Variants in PCDH15 observed in about 807,000 individuals in gnomAD.
PCDH15 encodes the protein protocadherin-15.
In PCDH15, 129 loss-of-function variants were observed where a neutral mutation model predicts 178.5. The observed-to-expected ratio is 0.72, with a 90% CI of 0.63 to 0.84. The LOEUF is 0.84. Among genes scored for constraint, PCDH15 ranks in the 40% least tolerant of loss-of-function variants. The pLI is 0.00. For synonymous variants in PCDH15, 800 were observed against 732.0 expected (o/e 1.09, Z -1.50); for missense variants, 2,230 against 2,099.9 (o/e 1.06, Z -1.21).
intron 2 of PCDH15, among the ~76,000 whole-genome samples, chr10:55,337,437 C>T (rs1459605815): frequency 6.6e-6 from 1 of 152,094 alleles, no homozygotes; most frequent in African/African-American, 2.4e-5. Flanking sequence ...CTTCCAAAGC[C>T]CCATAGATTA....
chr10:54,884,257 T>C (rs1954312627), intron 3 of PCDH15, among the ~76,000 whole-genome samples: 1 of 152,016 alleles, frequency 6.6e-6, no homozygotes, highest in Non-Finnish European at 1.5e-5. Flanking sequence ...ATATAGGAGA[T>C]AAATTTAGTG....
intron 3 of PCDH15, among the ~76,000 whole-genome samples, chr10:54,890,852 C>A (rs1954448308): frequency 6.6e-6 from 1 of 151,910 alleles, no homozygotes; most frequent in Non-Finnish European, 1.5e-5. Flanking sequence ...CTCATCTAGA[C>A]CTAAAGTTGT....
At chr10:54,779,705 T>C (rs1462232918) in intron 1 of PCDH15, among the ~76,000 whole-genome samples, 1 of 151,394 alleles carries the variant, frequency 6.6e-6, no homozygotes, top group East Asian at 2.0e-4. Flanking sequence ...TTCCCAATAA[T>C]TTGAACTGTG....
intron 15 of PCDH15, among the ~76,000 whole-genome samples, chr10:54,125,247 C>CTGT (rs1390972191): frequency 5.3e-5 from 8 of 151,888 alleles, no homozygotes; most frequent in Non-Finnish European, 1.0e-4. Flanking sequence ...TGTCTCTGAG[C>CTGT]TGTTATACCT....
chr10:54,930,028 T>C (rs546952502), intron 2 of PCDH15, among the ~76,000 whole-genome samples: 2 of 152,208 alleles, frequency 1.3e-5, no homozygotes, highest in African/African-American at 4.8e-5. Context: ...GCTGCAGACA[T>C]AGATAAGCAA....
intron 6 of PCDH15, among the ~76,000 whole-genome samples, chr10:54,336,597 C>T (rs1018614393): frequency 7.2e-5 from 11 of 152,158 alleles, no homozygotes; most frequent in African/African-American, 2.4e-4. Context: ...CCTATGGGTC[C>T]GCAGAAGTCA....
intron 2 of PCDH15, among the ~76,000 whole-genome samples, chr10:55,529,281 T>C (rs1330831014): frequency 6.6e-6 from 1 of 151,812 alleles, no homozygotes; most frequent in Non-Finnish European, 1.5e-5. Context: ...CTTCTGGTGT[T>C]TTAGACATGA....
chr10:55,234,939 C>A (rs897058919), intron 1 of PCDH15, among the ~76,000 whole-genome samples: 13 of 151,562 alleles, frequency 8.6e-5, no homozygotes, highest in African/African-American at 3.2e-4. Context: ...AATGGTAATG[C>A]AGTAAGATTC....
At chr10:53,842,339 C>G (rs1026731703) in intron 28 of PCDH15, among the ~76,000 whole-genome samples, 3 of 152,134 alleles carry the variant, frequency 2.0e-5, no homozygotes, top group African/African-American at 7.2e-5. Context: ...TCACTGCAAC[C>G]TCCACCTCCC....
intron 1 of PCDH15, among the ~76,000 whole-genome samples, chr10:54,788,431 C>A (rs1951091904): frequency 6.6e-6 from 1 of 151,576 alleles, no homozygotes; most frequent in Admixed American, 6.6e-5. Context: ...TTGGAGATGT[C>A]AGAGATACAA....
chr10:54,005,631 T>C (rs565023619), intron 20 of PCDH15, among the ~76,000 whole-genome samples: 10 of 152,104 alleles, frequency 6.6e-5, no homozygotes, highest in Non-Finnish European at 1.3e-4. Context: ...CCAGGTAGAA[T>C]GGCTTTTATC....
chr10:54,379,815 T>C (rs990644469), intron 3 of PCDH15, among the ~76,000 whole-genome samples: 7 of 151,994 alleles, frequency 4.6e-5, no homozygotes, highest in African/African-American at 1.4e-4. Flanking sequence ...ATTAAACTTA[T>C]AGATATAGAA....
intron 1 of PCDH15, among the ~76,000 whole-genome samples, chr10:55,252,995 A>T (rs1841880770): frequency 6.6e-6 from 1 of 152,188 alleles, no homozygotes; most frequent in Non-Finnish European, 1.5e-5. Flanking sequence ...TAGTTAGCAT[A>T]GAAGGTCTGG....
chr10:54,415,365 T>G (rs1954169773), intron 3 of PCDH15, among the ~76,000 whole-genome samples: 1 of 151,790 alleles, frequency 6.6e-6, no homozygotes, highest in Non-Finnish European at 1.5e-5. Flanking sequence ...TTGAAGAAAT[T>G]TTTAAAAATA....
intron 1 of PCDH15, among the ~76,000 whole-genome samples, chr10:54,778,880 G>GA (rs1342270118): frequency 1.3e-5 from 2 of 151,914 alleles, no homozygotes; most frequent in African/African-American, 4.8e-5. Flanking sequence ...AGGCATCAAA[G>GA]AAAAAAATAC....
chr10:55,490,432 A>C (rs1840386544), intron 2 of PCDH15, among the ~76,000 whole-genome samples: 1 of 151,800 alleles, frequency 6.6e-6, no homozygotes, highest in Non-Finnish European at 1.5e-5. Flanking sequence ...AAAATTCACC[A>C]TGAATGTATA....
At chr10:55,378,908 T>TCTCTCTCTCACACACA (rs61280428) in intron 2 of PCDH15, among the ~76,000 whole-genome samples, 132 of 148,872 alleles carry the variant, frequency 8.9e-4, no homozygotes, top group African/African-American at 3.0e-3. Context: ...TCTCTCTCTC[T>TCTCTCTCTCACACACA]CACATATGCC....
chr10:54,429,890 G>A (rs1956758667), intron 3 of PCDH15, among the ~76,000 whole-genome samples: 1 of 152,004 alleles, frequency 6.6e-6, no homozygotes, highest in Admixed American at 6.6e-5. Flanking sequence ...AACAATAGTT[G>A]GAGACTTCAA....
chr10:54,402,292 G>A (rs1952030404), intron 3 of PCDH15, among the ~76,000 whole-genome samples: 2 of 151,928 alleles, frequency 1.3e-5, no homozygotes, highest in South Asian at 4.1e-4. Context: ...ACGGGAAGAA[G>A]AAGGCAAGAT....
Sources: gnomAD v4.1 joint callset for allele counts (sites outside exome capture counted in the v4.1 genomes callset) on GRCh38, gnomAD v4.1.1 for gene constraint, MANE v1.5 for transcripts, NCBI Gene and HGNC (gene_info 2026-07-23, HGNC 2026-07-21) for gene names.